TAFA4: variants seen among roughly 807,000 people sequenced by gnomAD.
TAFA4 encodes TAFA chemokine like family member 4.
TAFA4 carries 20 observed loss-of-function variants against 21.1 expected under a neutral mutation model. The ratio of observed to expected loss-of-function variants is 0.95; its 90% CI spans 0.67 to 1.38. The LOEUF (loss-of-function observed/expected upper bound fraction) is 1.38. TAFA4 is among the 40% of genes most tolerant of loss of function. The probability of loss-of-function intolerance (pLI) is 0.00; values close to 1 mark genes in which losing one functional copy is unlikely to be tolerated. For missense variants in TAFA4, 211 were observed against 180.9 expected, an observed-to-expected ratio of 1.17 and a Z score of -0.95; for synonymous variants, 71 against 67.4, an observed-to-expected ratio of 1.05 and a Z score of -0.26.
Position 68,813,384 on chromosome 3 carries a change from C to G in TAFA4, c.131-60366G>C, listed in dbSNP as rs142020455. Among the ~76,000 whole-genome samples the G allele has an allele frequency of 2.9e-3, 447 of 152,160 alleles. 1 individual carries two copies. The highest frequency in any genetic ancestry group is 5.2e-3 in the Non-Finnish European group (352 of 67,990). ...TTCAAAAACTCAATGAATCCAGGAG[C>G]TGGTTTTTTGAAAAGAACAAAATTG... On this transcript the variant is annotated intron_variant, in intron 3 of 5. Transcript: ENST00000295569.
intron 3 of TAFA4, among the ~76,000 whole-genome samples, chr3:68,786,478 G>A (rs1328192080): frequency 6.6e-6 from 1 of 152,158 alleles, no homozygotes; most frequent in Non-Finnish European, 1.5e-5. Flanking sequence ...GCAACATAGT[G>A]AGACTCCACC....
intron 3 of TAFA4, among the ~76,000 whole-genome samples, chr3:68,833,839 G>T (rs1037538283): frequency 6.6e-6 from 1 of 152,066 alleles, no homozygotes; most frequent in Admixed American, 6.6e-5. Flanking sequence ...AGTGTCAAAG[G>T]CATACTATGC....
chr3:68,773,299 A>AAGAT (rs1702992144), intron 3 of TAFA4, among the ~76,000 whole-genome samples: 1 of 152,174 alleles, frequency 6.6e-6, no homozygotes, highest in African/African-American at 2.4e-5. Context: ...TTTATTATAA[A>AAGAT]AGATACACAT....
At chr3:68,815,668 G>A (rs1045298572) in intron 3 of TAFA4, among the ~76,000 whole-genome samples, 11 of 152,140 alleles carry the variant, frequency 7.2e-5, no homozygotes, top group Admixed American at 2.0e-4. Context: ...GAAACAACAG[G>A]TGCTGGAGAG....
At chr3:68,753,109 C>T (rs988933563) in intron 3 of TAFA4, 91 bp from the exon 4 acceptor site, 11 of 1,197,558 alleles carry the variant, frequency 9.2e-6, no homozygotes, top group Non-Finnish European at 1.3e-5. Flanking sequence ...TGACATTTTC[C>T]AACTTCCTGT....
At chr3:68,774,048 A>G (rs1345371314) in intron 3 of TAFA4, among the ~76,000 whole-genome samples, 1 of 152,180 alleles carries the variant, frequency 6.6e-6, no homozygotes, top group African/African-American at 2.4e-5. Context: ...GAGATGAACT[A>G]CAGCAGTCAA....
chr3:68,754,942 A>G (rs1702632153), intron 3 of TAFA4, among the ~76,000 whole-genome samples: 1 of 152,068 alleles, frequency 6.6e-6, no homozygotes, highest in African/African-American at 2.4e-5. Flanking sequence ...CTTACCTGGT[A>G]TTTTCCCTGC....
intron 3 of TAFA4, among the ~76,000 whole-genome samples, chr3:68,858,610 GTC>G (rs1705126571): frequency 6.7e-6 from 1 of 150,350 alleles, no homozygotes; most frequent in Non-Finnish European, 1.5e-5. Flanking sequence ...GTGTGTGTGT[GTC>G]TTTAAGGCGT....
chr3:68,917,753 C>CCAAAAAA (rs764665164), intron 1 of TAFA4, among the ~76,000 whole-genome samples: 4 of 58,188 alleles, frequency 6.9e-5, no homozygotes, highest in African/African-American at 2.6e-4. Context: ...GACTCTGTCT[C>CCAAAAAA]AAAAAAAAAA....
chr3:68,885,355 T>C, intron 1 of TAFA4, 45 bp from the exon 2 acceptor site: 2 of 597,174 alleles, frequency 3.3e-6, no homozygotes, highest in Non-Finnish European at 5.8e-6. Flanking sequence ...AATTAGCATT[T>C]TAATGTTAAA....
At chr3:68,870,453 T>C (rs1327053417) in intron 3 of TAFA4, among the ~76,000 whole-genome samples, 1 of 152,062 alleles carries the variant, frequency 6.6e-6, no homozygotes, top group African/African-American at 2.4e-5. Context: ...CTTCAAAATA[T>C]ACTACAAAGC....
intron 3 of TAFA4, among the ~76,000 whole-genome samples, chr3:68,860,241 G>T (rs1241852021): frequency 6.6e-6 from 1 of 152,090 alleles, no homozygotes; most frequent in Non-Finnish European, 1.5e-5. Flanking sequence ...GCGAAAGCTT[G>T]TTCCACATGG....
At chr3:68,810,592 G>T (rs1703813102) in intron 3 of TAFA4, among the ~76,000 whole-genome samples, 1 of 152,204 alleles carries the variant, frequency 6.6e-6, no homozygotes, top group Non-Finnish European at 1.5e-5. Context: ...AGCAGTCTGA[G>T]ATCAAACTGC....
intron 1 of TAFA4, among the ~76,000 whole-genome samples, chr3:68,910,027 G>A (rs2089945164): frequency 6.6e-6 from 1 of 152,156 alleles, no homozygotes; most frequent in African/African-American, 2.4e-5. Context: ...CTAAGCCAGA[G>A]GTTAAGCTGT....
chr3:68,882,607 G>A (rs755620099), intron 2 of TAFA4, among the ~76,000 whole-genome samples: 7 of 152,200 alleles, frequency 4.6e-5, no homozygotes, highest in Non-Finnish European at 8.8e-5. Flanking sequence ...CAAATAGATT[G>A]ATAGCTGATA....
At chr3:68,857,829 A>G (rs1312742532) in intron 3 of TAFA4, among the ~76,000 whole-genome samples, 1 of 151,962 alleles carries the variant, frequency 6.6e-6, no homozygotes, top group Non-Finnish European at 1.5e-5. Flanking sequence ...AACAAAAAGA[A>G]AAAAAAACAA....
intron 3 of TAFA4, among the ~76,000 whole-genome samples, chr3:68,794,764 AC>A (rs775335257): frequency 2.0e-5 from 3 of 152,228 alleles, no homozygotes; most frequent in Non-Finnish European, 4.4e-5. Context: ...ATGATGCAGC[AC>A]CATTATTTAA....
At chr3:68,857,088 T>G (rs139731437) in intron 3 of TAFA4, among the ~76,000 whole-genome samples, 74 of 152,246 alleles carry the variant, frequency 4.9e-4, no homozygotes, top group African/African-American at 1.7e-3. Flanking sequence ...TTAAAACACT[T>G]TTCTTGAATT....
At chr3:68,824,232 T>C (rs1332258098) in intron 3 of TAFA4, among the ~76,000 whole-genome samples, 2 of 152,250 alleles carry the variant, frequency 1.3e-5, no homozygotes, top group African/African-American at 4.8e-5. Flanking sequence ...GGCTTAAAAA[T>C]GATGTAAATT....
Sources: gnomAD v4.1 joint callset for allele counts (sites outside exome capture counted in the v4.1 genomes callset) on GRCh38, gnomAD v4.1.1 for gene constraint, MANE v1.5 for transcripts, NCBI Gene and HGNC (gene_info 2026-07-23, HGNC 2026-07-21) for gene names.